The following OSGIN2 variants were observed in gnomAD, a reference collection of about 807,000 sequenced individuals.
OSGIN2 encodes the protein oxidative stress induced growth inhibitor family member 2.
Under a neutral mutation model 53.8 loss-of-function variants are expected in OSGIN2, and 19 were observed. That is an observed-to-expected ratio of 0.35 (90% CI 0.25 to 0.52). The LOEUF (loss-of-function observed/expected upper bound fraction) is 0.52. OSGIN2 is among the 20% of genes least tolerant of loss of function. The pLI is 0.95. For synonymous variants in OSGIN2, 236 were observed against 236.0 expected, an observed-to-expected ratio of 1.00 and a Z score of 0.00; for missense variants, 520 against 662.7, an observed-to-expected ratio of 0.78 and a Z score of 2.36.
Position 89,916,776 on chromosome 8 carries a change from T to G in OSGIN2, c.528+2030T>G, listed in dbSNP as rs561163982. On this transcript the variant is annotated intron_variant, in intron 4 of 5. Coordinates refer to ENST00000451899, the MANE Select transcript of OSGIN2 (RefSeq NM_001126111.3). The stretch of plus-strand genomic sequence containing the variant: ...TTTAACCATTCTGTCAGATGCTGCT[T>G]CTGCTCCCTTTCTTGAAAGCTTACT... Among the ~76,000 whole-genome samples, 18 of 152,310 alleles carry G rather than the reference T, an allele frequency of 1.2e-4. No homozygotes were observed. The South Asian group carries it at 3.5e-3, about 30-fold the overall frequency.
At chr8:89,921,674 T>TA (rs200866609) in intron 5 of OSGIN2, among the ~76,000 whole-genome samples, 15 of 151,250 alleles carry the variant, frequency 9.9e-5, no homozygotes, top group South Asian at 2.1e-4. Flanking sequence ...ACATATTTAA[T>TA]AAAAAAAAAT....
intron 1 of OSGIN2, among the ~76,000 whole-genome samples, chr8:89,909,266 T>A (rs950238296): frequency 1.3e-5 from 2 of 151,794 alleles, no homozygotes; most frequent in African/African-American, 4.8e-5. Flanking sequence ...CAGAGAATTA[T>A]GAACTCCTCA....
rs187798414 is a variant in OSGIN2, at chr8:89,911,867, G to A, written c.199+2146G>A. Among the ~76,000 whole-genome samples the A allele has an allele frequency of 5.9e-5, 9 of 151,990 alleles. No homozygotes were observed. In the East Asian group the frequency reaches 1.7e-3, roughly 29 times the overall value. On this transcript the variant is annotated intron_variant, in intron 2 of 5. Coordinates refer to ENST00000451899, the MANE Select transcript of OSGIN2 (RefSeq NM_001126111.3). ...GCAGGAGAATGGTGTGAACCCGTGA[G>A]GCAGAGGTTGCAATGAGCCGAGATC...
intron 1 of OSGIN2, among the ~76,000 whole-genome samples, chr8:89,908,936 G>A (rs1316093367): frequency 1.4e-5 from 2 of 147,562 alleles, no homozygotes; most frequent in Non-Finnish European, 3.0e-5. Context: ...ACATGAGCCC[G>A]GGAGGTGGAG....
intron 4 of OSGIN2, among the ~76,000 whole-genome samples, chr8:89,917,070 G>C (rs910416427): frequency 3.3e-5 from 5 of 152,052 alleles, no homozygotes; most frequent in Admixed American, 6.5e-5. Flanking sequence ...CCTAATTCAT[G>C]GGTCTTCCAT....
At chr8:89,910,452 C>CT (rs1808944272) in intron 2 of OSGIN2, among the ~76,000 whole-genome samples, 1 of 152,138 alleles carries the variant, frequency 6.6e-6, no homozygotes, top group Non-Finnish European at 1.5e-5. Flanking sequence ...GCCTTGGTAG[C>CT]ATATGACTTC....
chr8:89,920,991 T>G, intron 4 of OSGIN2, 89 bp from the exon 5 acceptor site: 2 of 753,036 alleles, frequency 2.7e-6, no homozygotes, highest in Non-Finnish European at 4.4e-6. Flanking sequence ...TTATTGTAAA[T>G]GAGATGGATA....
Position 89,914,061 on chromosome 8 carries a change from CTTTTAT to C in OSGIN2, c.200-10_200-5del. 2.5e-6 allele frequency: 4 copies of C among 1,606,756 alleles called. No individual in the cohort carries two copies. The highest frequency in any genetic ancestry group is 3.4e-6 in the Non-Finnish European group (4 of 1,176,420). ...AGATGCATGACCTACCCCTTTCCAC[CTTTTAT>C]TTTTAATAGGAAATGGACCCTCAGG... On this transcript the variant is annotated splice_polypyrimidine_tract_variant and intron_variant, in intron 2 of 5. Coordinates refer to ENST00000451899, the MANE Select transcript of OSGIN2 (RefSeq NM_001126111.3).
At chr8:89,917,222 CCA>C (rs1184056021) in intron 4 of OSGIN2, among the ~76,000 whole-genome samples, 1 of 152,216 alleles carries the variant, frequency 6.6e-6, no homozygotes, top group Non-Finnish European at 1.5e-5. Flanking sequence ...TCCAGTGGCT[CCA>C]CTGTAGATCT....
At chr8:89,919,952 T>A (rs1029541423) in intron 4 of OSGIN2, among the ~76,000 whole-genome samples, 1 of 152,032 alleles carries the variant, frequency 6.6e-6, no homozygotes. Flanking sequence ...AAAAGAAAGA[T>A]AGGAGAAAAA....
At chr8:89,913,940 TG>T (rs1219739647) in intron 2 of OSGIN2, 136 bp from the exon 3 acceptor site, 13 of 727,954 alleles carry the variant, frequency 1.8e-5, no homozygotes, top group Non-Finnish European at 3.0e-5. Context: ...TAAAATCTCA[TG>T]AAACATCTGG....
At position 89,924,509 on chromosome 8, in the gene OSGIN2, A is replaced by G. The variant is rs1419823961; in HGVS notation, c.627A>G (p.Leu209=). The change falls in exon 6 of 6, where the codon CTA becomes CTG. Residue 209 remains leucine, a synonymous_variant. Transcript: ENST00000451899. ...TTTCCTTTTCCTTTTTTAGGAGCCT[A>G]AAAGGGGATCGAGTTATGCCAGAGG... ...KDWVSSKRRS[L]KGDRVMPEEI... The G allele has an allele frequency of 6.3e-7, 1 of 1,596,102 alleles. No homozygotes were observed. Among genetic ancestry groups the G allele is most frequent in the Non-Finnish European group, 8.5e-7 (1 of 1,172,684 alleles).
At chr8:89,905,416 T>C (rs1808818941) in intron 1 of OSGIN2, among the ~76,000 whole-genome samples, 1 of 152,206 alleles carries the variant, frequency 6.6e-6, no homozygotes, top group Non-Finnish European at 1.5e-5. Context: ...ATAGAACAAA[T>C]ATCAAATTGG....
At chr8:89,909,895 G>GC (rs1808933532) in intron 2 of OSGIN2, among the ~76,000 whole-genome samples, 174 bp downstream of exon 2, 1 of 152,094 alleles carries the variant, frequency 6.6e-6, no homozygotes, top group South Asian at 2.1e-4. Context: ...TCTGATTTTA[G>GC]CATCTGTGTT....
intron 2 of OSGIN2, among the ~76,000 whole-genome samples, chr8:89,911,759 C>G (rs1399948253): frequency 6.6e-6 from 1 of 151,460 alleles, no homozygotes; most frequent in East Asian, 1.9e-4. Flanking sequence ...AGGGTGAAAC[C>G]TTGTCTCTAC....
In OSGIN2 at chr8:89,914,731, T is replaced by C; in HGVS notation, c.513T>C (p.Pro171=). ...ACGTAGTTCTTGGTAAAGGTCCACCTGGTGGGGCTTGGCATGTGAGTATAT... is the reference window on the plus strand; with the variant it reads ...ACGTAGTTCTTGGTAAAGGTCCACCCGGTGGGGCTTGGCATGTGAGTATAT... ...IPHVVLGKGP[P]GGAWHNMEGS... Residue 171 remains proline, a synonymous_variant, in exon 4 of 6, where the codon CCT becomes CCC. Coordinates refer to ENST00000451899, the MANE Select transcript of OSGIN2 (RefSeq NM_001126111.3). 6.2e-7 allele frequency: 1 copy of C among 1,613,234 alleles called. No individual in the cohort carries two copies. The highest frequency in any genetic ancestry group is 8.5e-7 in the Non-Finnish European group (1 of 1,179,176).
intron 2 of OSGIN2, among the ~76,000 whole-genome samples, chr8:89,911,611 C>T (rs1808968447): frequency 7.2e-6 from 1 of 139,392 alleles, no homozygotes; most frequent in Non-Finnish European, 1.5e-5. Context: ...GCTTGGGCGA[C>T]AAGTGAAACT....
intron 2 of OSGIN2, 40 bp downstream of exon 2, chr8:89,909,761 G>A: frequency 7.6e-7 from 1 of 1,314,824 alleles, no homozygotes; most frequent in Non-Finnish European, 1.1e-6. Flanking sequence ...TATAGTTAAT[G>A]ACCCTTAATA....
rs1206789803 is a variant in OSGIN2 at position 89,926,910 on chromosome 8, T to A, written c.*1378T>A. The stretch of plus-strand genomic sequence containing the variant: ...TATTAGGACCATAATTCACTTTAAA[T>A]ATAATTGTATAGAATATATTTGCGT... On this transcript the variant is annotated 3_prime_UTR_variant, in exon 6 of 6. Transcript: ENST00000451899. 1 of 152,234 alleles carries A rather than the reference T, an allele frequency of 6.6e-6. No homozygotes were observed. Among genetic ancestry groups the A allele is most frequent in the African/African-American group, 2.4e-5 (1 of 41,476 alleles). 9.4% of individuals were successfully genotyped at this position (152,234 alleles called of 1,614,324 possible).
Sources: gnomAD v4.1 joint callset for allele counts (sites outside exome capture counted in the v4.1 genomes callset) on GRCh38, gnomAD v4.1.1 for gene constraint, MANE v1.5 for transcripts, NCBI Gene and HGNC (gene_info 2026-07-23, HGNC 2026-07-21) for gene names.